Variants in NALF1 observed in about 807,000 individuals in gnomAD.
The protein encoded by NALF1 is NALCN channel auxiliary factor 1, also known as family with sequence similarity 155 member A.
Under a neutral mutation model 48.4 loss-of-function variants are expected in NALF1, and 3 were observed. That is an observed-to-expected ratio of 0.06 (90% confidence interval 0.03 to 0.16). The LOEUF (loss-of-function observed/expected upper bound fraction) is 0.16, where lower values mean the gene tolerates loss of function less well. Among genes scored for constraint, NALF1 ranks in the 10% least tolerant of loss-of-function variants. NALF1 has a pLI of 1.00. For synonymous variants in NALF1, 262 were observed against 245.7 expected (o/e 1.07, Z -0.62); for missense variants, 526 against 571.5 (o/e 0.92, Z 0.81).
rs990576818 is a variant in NALF1 at position 107,300,360 on chromosome 13, T to C, written c.916-89605A>G. Reference sequence around the variant, plus strand: ...AAACACACGATATGAATATATTCCCTGCATTTGCAGCCTCAGGCCCAAGAT... The same window carrying C: ...AAACACACGATATGAATATATTCCCCGCATTTGCAGCCTCAGGCCCAAGAT... On this transcript the variant is annotated intron_variant, in intron 1 of 2. Transcript: ENST00000375915. Among the ~76,000 whole-genome samples the C allele has an allele frequency of 4.6e-5, 7 of 152,336 alleles. No individual in the cohort carries two copies. In the East Asian group the frequency reaches 9.7e-4, roughly 21 times the overall value.
intron 1 of NALF1, among the ~76,000 whole-genome samples, chr13:107,460,404 T>C (rs1199695623): frequency 1.3e-5 from 2 of 152,236 alleles, no homozygotes; most frequent in African/African-American, 2.4e-5. Context: ...CTTCCTCCAA[T>C]ATTATGAGCT....
In NALF1 at chr13:107,866,287, G is replaced by A. The variant is rs757639039; in HGVS notation, c.310C>T (p.Pro104Ser). The change falls in exon 1 of 3, where the codon CCC becomes TCC. Residue 104 changes from proline to serine, a missense_variant. Transcript: ENST00000375915. This position sits in a 1 kb window ranked among gnomAD's most constrained non-coding sequence, Gnocchi z 4.4. ...QQRRQQEPSWPALLASMGESS... is the reference protein window; with the variant it reads ...QQRRQQEPSWSALLASMGESS... ...TCCCCCATGCTCGCCAGGAGCGCGG[G>A]CCAGGAGGGCTCCTGCTGCCGCCGC... 13 of 1,602,398 alleles carry A rather than the reference G, an allele frequency of 8.1e-6. No homozygotes were observed. The highest frequency in any genetic ancestry group is 2.7e-5 in the African/African-American group (2 of 74,726).
chr13:107,181,853 A>T (rs1350457020), intron 2 of NALF1, among the ~76,000 whole-genome samples: 2 of 152,124 alleles, frequency 1.3e-5, no homozygotes, highest in Non-Finnish European at 2.9e-5. Flanking sequence ...ATAAAGTGCA[A>T]TTATTGGTTT....
intron 1 of NALF1, among the ~76,000 whole-genome samples, chr13:107,451,609 C>T (rs1179830850): frequency 6.6e-6 from 1 of 152,160 alleles, no homozygotes; most frequent in East Asian, 1.9e-4. Flanking sequence ...CATTTTTATT[C>T]TCTTTCCTCT....
At chr13:107,855,756 G>A (rs1015332505) in intron 1 of NALF1, among the ~76,000 whole-genome samples, 6 of 152,156 alleles carry the variant, frequency 3.9e-5, no homozygotes, top group East Asian at 3.8e-4. Context: ...GAGAATGTTC[G>A]CACACTCTTA....
At chr13:107,264,317 C>T (rs2138857171) in intron 1 of NALF1, among the ~76,000 whole-genome samples, 1 of 152,226 alleles carries the variant, frequency 6.6e-6, no homozygotes, top group South Asian at 2.1e-4. Context: ...TGTTTCTCAG[C>T]ATGTTTGTTT....
At chr13:107,203,657 G>A (rs1412584532) in intron 2 of NALF1, among the ~76,000 whole-genome samples, 1 of 152,140 alleles carries the variant, frequency 6.6e-6, no homozygotes, top group Non-Finnish European at 1.5e-5. Context: ...GGCTCAGGCT[G>A]GGCCCTCAGT....
At chr13:107,264,072 C>T (rs138292536) in intron 1 of NALF1, among the ~76,000 whole-genome samples, 22 of 152,278 alleles carry the variant, frequency 1.4e-4, no homozygotes, top group African/African-American at 5.1e-4. Context: ...AAGAATGTGT[C>T]TTTAAATCTT....
chr13:107,728,632 TGG>T (rs1229397550), intron 1 of NALF1, among the ~76,000 whole-genome samples: 2 of 152,004 alleles, frequency 1.3e-5, no homozygotes, highest in Non-Finnish European at 2.9e-5. Flanking sequence ...CAAACCACCA[TGG>T]CACATGTATA....
At chr13:107,810,872 CATT>C (rs550717172) in intron 1 of NALF1, among the ~76,000 whole-genome samples, 159 of 152,266 alleles carry the variant, frequency 1.0e-3, no homozygotes, top group Admixed American at 3.1e-3. Flanking sequence ...TCAATCTTCT[CATT>C]AATCTCTTGC....
At chr13:107,279,801 C>T (rs758603513) in intron 1 of NALF1, among the ~76,000 whole-genome samples, 5 of 152,166 alleles carry the variant, frequency 3.3e-5, no homozygotes, top group Admixed American at 6.5e-5. Flanking sequence ...CCCTTTGCTA[C>T]CTTCATTTCC....
intron 1 of NALF1, among the ~76,000 whole-genome samples, chr13:107,534,114 T>C (rs142892799): frequency 1.3e-5 from 2 of 152,108 alleles, no homozygotes; most frequent in Non-Finnish European, 2.9e-5. Context: ...TCAGCATCAC[T>C]TGGAAATGTG....
At chr13:107,198,081 C>T (rs1245291345) in intron 2 of NALF1, among the ~76,000 whole-genome samples, 1 of 152,152 alleles carries the variant, frequency 6.6e-6, no homozygotes, top group Non-Finnish European at 1.5e-5. Flanking sequence ...GAAAGTTTAT[C>T]TGGCTAGTTT....
intron 1 of NALF1, among the ~76,000 whole-genome samples, chr13:107,756,134 T>G (rs558993001): frequency 3.3e-5 from 5 of 152,310 alleles, no homozygotes; most frequent in African/African-American, 1.2e-4. Flanking sequence ...GAAGAGAAGC[T>G]AGAAGAGAGA....
intron 1 of NALF1, among the ~76,000 whole-genome samples, chr13:107,650,290 G>GC (rs1159650030): frequency 1.3e-5 from 2 of 151,592 alleles, no homozygotes; most frequent in Non-Finnish European, 2.9e-5. Context: ...AAGGGGGCGA[G>GC]CGATGAGGCT....
At chr13:107,733,085 C>A (rs2138537368) in intron 1 of NALF1, among the ~76,000 whole-genome samples, 1 of 152,222 alleles carries the variant, frequency 6.6e-6, no homozygotes, top group Middle Eastern at 3.4e-3. Flanking sequence ...TTAAAAGAAT[C>A]TTCACTCAAA....
rs747946335 is a variant in NALF1 at position 107,165,904 on chromosome 13, G to A, written c.*4593C>T. 8 of 152,160 alleles carry A rather than the reference G, an allele frequency of 5.3e-5. No homozygotes were observed. Among genetic ancestry groups the A allele is most frequent in the Admixed American group, 2.0e-4 (3 of 15,296 alleles). The allele number at this position is 152,160 out of a possible 1,614,324, so 9.4% of individuals were successfully genotyped here. ...GTAGATATGGTTTTTAAATGACCATGCTGCTCTAACTTTGACAAACAAGTA... is the reference window on the plus strand; with the variant it reads ...GTAGATATGGTTTTTAAATGACCATACTGCTCTAACTTTGACAAACAAGTA... On this transcript the variant is annotated 3_prime_UTR_variant, in exon 3 of 3. Coordinates refer to ENST00000375915, the MANE Select transcript of NALF1 (RefSeq NM_001080396.3).
intron 2 of NALF1, among the ~76,000 whole-genome samples, chr13:107,199,816 G>C (rs761310552): frequency 4.3e-4 from 65 of 152,176 alleles, no homozygotes; most frequent in Non-Finnish European, 8.5e-4. Context: ...AGGACACTTT[G>C]TTAAAGTGCA....
Position 107,611,030 on chromosome 13 carries a change from G to A in NALF1, c.915+254652C>T, listed in dbSNP as rs9559096. Among the ~76,000 whole-genome samples, 264 of 152,270 alleles carry A rather than the reference G, an allele frequency of 1.7e-3. 2 individuals are homozygous for A. Among genetic ancestry groups the A allele is most frequent in the East Asian group, 0.015 (76 of 5,178 alleles). On this transcript the variant is annotated intron_variant, in intron 1 of 2. Coordinates refer to ENST00000375915, the MANE Select transcript of NALF1 (RefSeq NM_001080396.3). ...GAAAGAAGTAGAGGACAGGGAAAACGGAGCACTCTCCGTGCTACAGTCTAG... is the reference window on the plus strand; with the variant it reads ...GAAAGAAGTAGAGGACAGGGAAAACAGAGCACTCTCCGTGCTACAGTCTAG...
Sources: gnomAD v4.1 joint callset for allele counts (sites outside exome capture counted in the v4.1 genomes callset) on GRCh38, gnomAD v4.1.1 for gene constraint, Gnocchi (gnomAD v3.1) non-coding constraint, MANE v1.5 for transcripts, NCBI Gene and HGNC (gene_info 2026-07-23, HGNC 2026-07-21) for gene names.